ADGRB3: variants seen among roughly 807,000 people sequenced by gnomAD.
ADGRB3 encodes adhesion G protein-coupled receptor B3, also known as brain-specific angiogenesis inhibitor 3.
In ADGRB3, 37 loss-of-function variants were observed where a neutral mutation model predicts 193.4. That is an observed-to-expected ratio of 0.19 (90% CI 0.15 to 0.25). The LOEUF (loss-of-function observed/expected upper bound fraction) is 0.25. ADGRB3 is among the 10% of genes least tolerant of loss of function. The pLI is 1.00. For missense variants in ADGRB3, 1,637 were observed against 1,852.9 expected (o/e 0.88, Z 2.14); for synonymous variants, 690 against 644.2 (o/e 1.07, Z -1.08).
chr6:69,284,888 C>T (rs926586204), intron 20 of ADGRB3, among the ~76,000 whole-genome samples: 1 of 150,728 alleles, frequency 6.6e-6, no homozygotes, highest in African/African-American at 2.4e-5. Flanking sequence ...TTGAGAAGTA[C>T]AAGAAAAACA....
At position 69,040,322 on chromosome 6, in the gene ADGRB3, T is replaced by C. The variant is rs958187299; in HGVS notation, c.2108-7863T>C. Among the ~76,000 whole-genome samples, 5 of 42,326 alleles carry C rather than the reference T, an allele frequency of 1.2e-4. No homozygotes were observed. In the East Asian group the frequency reaches 5.3e-3, roughly 45 times the overall value. 27.8% of individuals were successfully genotyped at this position (42,326 alleles called of 152,430 possible). A position where few individuals can be genotyped will look rare whatever the true frequency, so the allele number is the denominator to read the frequency against. ...CTTTCTCTGTCTCTTTCTTTCTTTC[T>C]TTCTTTCTTTCTTTCTTTCTTTCTT... On this transcript the variant is annotated intron_variant, in intron 13 of 31. Coordinates refer to ENST00000370598, the MANE Select transcript of ADGRB3 (RefSeq NM_001704.3).
chr6:68,695,477 A>T (rs1368543000), intron 3 of ADGRB3, among the ~76,000 whole-genome samples: 1 of 152,058 alleles, frequency 6.6e-6, no homozygotes, highest in Non-Finnish European at 1.5e-5. Context: ...GCCTCTTCTG[A>T]GTAGATTACC....
intron 22 of ADGRB3, among the ~76,000 whole-genome samples, chr6:69,329,627 T>C (rs1049084568): frequency 6.6e-6 from 1 of 152,238 alleles, no homozygotes; most frequent in Non-Finnish European, 1.5e-5. Context: ...GGCAGCATGC[T>C]GATGCTGTAA....
intron 17 of ADGRB3, among the ~76,000 whole-genome samples, chr6:69,183,286 A>G (rs1190031518): frequency 6.6e-6 from 1 of 152,142 alleles, no homozygotes; most frequent in Non-Finnish European, 1.5e-5. Flanking sequence ...TAAAATCTAT[A>G]AGTACTTCAA....
chr6:68,854,034 G>C lies in ADGRB3; in HGVS notation c.758-76525G>C, dbSNP rs1582256564. 2.0e-5 allele frequency among the ~76,000 whole-genome samples: 3 copies of C among 152,162 alleles called. No homozygotes were observed. The East Asian group carries it at 5.8e-4, about 29-fold the overall frequency. ...GCTCATTTCTTGCTGTGATTGTTTT[G>C]TAGTGATCTATATAAAAATGGCTAC... On this transcript the variant is annotated intron_variant, in intron 3 of 31. Transcript: ENST00000370598.
At chr6:68,962,495 C>T (rs1222789954) in intron 8 of ADGRB3, among the ~76,000 whole-genome samples, 6 of 152,154 alleles carry the variant, frequency 3.9e-5, no homozygotes, top group Non-Finnish European at 7.3e-5. Context: ...CAGACTCTTA[C>T]AGTTTCTGCC....
chr6:69,206,214 G>A (rs777595510), intron 17 of ADGRB3, among the ~76,000 whole-genome samples: 17 of 151,570 alleles, frequency 1.1e-4, no homozygotes, highest in Non-Finnish European at 2.2e-4. Context: ...GGAAGCATGC[G>A]GAATGGGAGA....
At chr6:69,051,294 T>A (rs1380558788) in intron 15 of ADGRB3, among the ~76,000 whole-genome samples, 1 of 152,146 alleles carries the variant, frequency 6.6e-6, no homozygotes, top group Non-Finnish European at 1.5e-5. Flanking sequence ...AGTCACTGAC[T>A]TTTTTTAATA....
chr6:69,227,788 G>A lies in ADGRB3; in HGVS notation c.2481-5502G>A, dbSNP rs1766050025. On this transcript the variant is annotated intron_variant, in intron 17 of 31. Coordinates refer to ENST00000370598, the MANE Select transcript of ADGRB3 (RefSeq NM_001704.3). ...CCACAGGATGCTGAAATCCTACAGA[G>A]TTCATCATTAAATGATGTTTGAAGA... is the stretch of plus-strand genomic sequence containing the variant. Among the ~76,000 whole-genome samples, 3 of 152,254 alleles carry A rather than the reference G, an allele frequency of 2.0e-5. No individual in the cohort carries two copies. In the South Asian group the frequency reaches 6.2e-4, roughly 32 times the overall value.
intron 3 of ADGRB3, among the ~76,000 whole-genome samples, chr6:68,796,807 TGATAAGTAGCCTTTG>T (rs1767217362): frequency 6.6e-6 from 1 of 152,112 alleles, no homozygotes; most frequent in Non-Finnish European, 1.5e-5. Flanking sequence ...AGGCGCCTAT[TGATAAGTAGCCTTTG>T]TGGAGGAAAA....
chr6:68,968,695 C>T (rs563596222), intron 8 of ADGRB3, among the ~76,000 whole-genome samples: 34 of 152,206 alleles, frequency 2.2e-4, no homozygotes, highest in South Asian at 2.1e-3. Flanking sequence ...TTATTAAAAA[C>T]GGACGAGTCG....
rs147714893 is a variant in ADGRB3 at position 69,071,140 on chromosome 6, G to A, written c.2437-4855G>A. Among the ~76,000 whole-genome samples, 345 of 152,262 alleles carry A rather than the reference G, an allele frequency of 2.3e-3. 4 individuals are homozygous for A. The highest frequency in any genetic ancestry group is 8.1e-3 in the African/African-American group (338 of 41,560). ...TTTAGTAAATGAATGCAGAATGGTT[G>A]CAGAATGGTTAGACTTGTTGTGATC... On this transcript the variant is annotated intron_variant, in intron 16 of 31. Transcript: ENST00000370598.
intron 3 of ADGRB3, among the ~76,000 whole-genome samples, chr6:68,804,453 A>AT (rs35305318): frequency 1.2e-4 from 18 of 152,046 alleles, no homozygotes; most frequent in African/African-American, 1.7e-4. Flanking sequence ...CATTAGAAGT[A>AT]TTTTTTTTAA....
chr6:68,754,780 T>C (rs1366986224), intron 3 of ADGRB3, among the ~76,000 whole-genome samples: 1 of 151,274 alleles, frequency 6.6e-6, no homozygotes, highest in Non-Finnish European at 1.5e-5. Context: ...GATATCAACA[T>C]GTATGCTCTC....
At chr6:68,879,119 G>A (rs1263998817) in intron 3 of ADGRB3, among the ~76,000 whole-genome samples, 1 of 151,296 alleles carries the variant, frequency 6.6e-6, no homozygotes, top group East Asian at 1.9e-4. Context: ...CCAATTAACT[G>A]AAATTTTTAG....
At chr6:69,318,034 T>C (rs1481534671) in intron 20 of ADGRB3, among the ~76,000 whole-genome samples, 1 of 151,478 alleles carries the variant, frequency 6.6e-6, no homozygotes, top group Non-Finnish European at 1.5e-5. Flanking sequence ...AATAAGGAGA[T>C]ATATTATCTG....
chr6:69,203,838 A>G (rs1195229390), intron 17 of ADGRB3, among the ~76,000 whole-genome samples: 2 of 152,170 alleles, frequency 1.3e-5, no homozygotes, highest in African/African-American at 2.4e-5. Context: ...AATTTCGTCT[A>G]TGAGTAAATC....
chr6:68,652,719 C>T (rs1220392765), intron 3 of ADGRB3, among the ~76,000 whole-genome samples: 2 of 152,030 alleles, frequency 1.3e-5, no homozygotes, highest in African/African-American at 4.8e-5. Context: ...CATTCTGCCT[C>T]TCCTTTATTG....
intron 13 of ADGRB3, among the ~76,000 whole-genome samples, chr6:69,033,974 G>T (rs970285521): frequency 3.9e-5 from 6 of 151,974 alleles, no homozygotes; most frequent in African/African-American, 1.4e-4. Context: ...TGGATAATAG[G>T]TTATATTCCC....
Sources: allele counts gnomAD v4.1 joint callset (sites outside exome capture counted in the v4.1 genomes callset), GRCh38; gene constraint gnomAD v4.1.1; transcripts MANE v1.5; gene names NCBI Gene and HGNC (gene_info 2026-07-23, HGNC 2026-07-21).